The following SLIT3 variants were observed in gnomAD, a reference collection of about 807,000 sequenced individuals.
SLIT3 encodes the protein slit guidance ligand 3, also known as slit homolog 3 protein.
Under a neutral mutation model 184.0 loss-of-function variants are expected in SLIT3, and 68 were observed. The ratio of observed to expected loss-of-function variants is 0.37; its 90% CI spans 0.30 to 0.45. The LOEUF (loss-of-function observed/expected upper bound fraction) is 0.45. Among genes scored for constraint, SLIT3 ranks in the 20% least tolerant of loss-of-function variants. SLIT3 has a pLI of 1.00. For synonymous variants in SLIT3, 831 were observed against 828.6 expected, an observed-to-expected ratio of 1.00 and a Z score of -0.05; for missense variants, 1,707 against 2,026.0, an observed-to-expected ratio of 0.84 and a Z score of 3.02.
At chr5:169,056,093 A>T (rs1263626950) in intron 4 of SLIT3, among the ~76,000 whole-genome samples, 1 of 152,144 alleles carries the variant, frequency 6.6e-6, no homozygotes, top group Non-Finnish European at 1.5e-5. Flanking sequence ...GTTTTGTAGA[A>T]GTCCAGGAAC....
chr5:169,198,993 T>C (rs1005295978), intron 3 of SLIT3, among the ~76,000 whole-genome samples: 1 of 143,588 alleles, frequency 7.0e-6, no homozygotes, highest in Non-Finnish European at 1.6e-5. Flanking sequence ...TGTATATTTA[T>C]ATATATATAT....
chr5:169,006,258 A>C (rs1210112515), intron 4 of SLIT3, among the ~76,000 whole-genome samples: 1 of 152,172 alleles, frequency 6.6e-6, no homozygotes. Flanking sequence ...TCTCTTCTCT[A>C]ATCATCTATT....
intron 4 of SLIT3, among the ~76,000 whole-genome samples, chr5:168,895,151 C>T (rs780043902): frequency 7.2e-5 from 11 of 152,234 alleles, no homozygotes; most frequent in Non-Finnish European, 1.6e-4. Context: ...GTCTACCCCA[C>T]TGTAACCTTA....
Position 168,801,330 on chromosome 5 carries a change from G to A in SLIT3, c.935+5116C>T, listed in dbSNP as rs1219997500. Among the ~76,000 whole-genome samples the A allele has an allele frequency of 4.4e-4, 67 of 152,186 alleles. 1 individual carries two copies. Among genetic ancestry groups the A allele is most frequent in the Admixed American group, 4.4e-3 (67 of 15,270 alleles). Reference sequence around the variant, plus strand: ...TTTTGTTGTGTTTTTAATTCTGTGTGTCTTTTAAACCCCCTGGTGGCTGGT... The same window carrying A: ...TTTTGTTGTGTTTTTAATTCTGTGTATCTTTTAAACCCCCTGGTGGCTGGT... On this transcript the variant is annotated intron_variant, in intron 9 of 35. Transcript: ENST00000519560.
chr5:168,837,380 GTC>G (rs1484389142), intron 6 of SLIT3, among the ~76,000 whole-genome samples: 1 of 152,188 alleles, frequency 6.6e-6, no homozygotes, highest in Non-Finnish European at 1.5e-5. Flanking sequence ...AATGAGTCTA[GTC>G]TCTGCTGTAA....
intron 3 of SLIT3, among the ~76,000 whole-genome samples, chr5:169,198,393 GA>G (rs1763807203): frequency 6.6e-6 from 1 of 152,210 alleles, no homozygotes; most frequent in African/African-American, 2.4e-5. Context: ...TAGACTGAGA[GA>G]GCAGTATGTG....
At chr5:169,090,997 T>C (rs775158558) in intron 4 of SLIT3, among the ~76,000 whole-genome samples, 1 of 152,230 alleles carries the variant, frequency 6.6e-6, no homozygotes, top group Non-Finnish European at 1.5e-5. Context: ...TGTCCTTTCA[T>C]GCTGAAGCAG....
At chr5:169,146,801 A>C (rs1275404503) in intron 4 of SLIT3, among the ~76,000 whole-genome samples, 1 of 152,230 alleles carries the variant, frequency 6.6e-6, no homozygotes, top group African/African-American at 2.4e-5. Flanking sequence ...GATATTTACA[A>C]GTACATTTTT....
intron 4 of SLIT3, among the ~76,000 whole-genome samples, chr5:168,886,513 G>A (rs529448831): frequency 1.5e-3 from 221 of 152,296 alleles, no homozygotes; most frequent in Non-Finnish European, 2.7e-3. Context: ...CGATGCCCAA[G>A]AGCCTAGCGC....
chr5:169,195,636 C>G (rs1331742707), intron 3 of SLIT3, among the ~76,000 whole-genome samples: 1 of 152,186 alleles, frequency 6.6e-6, no homozygotes, highest in Non-Finnish European at 1.5e-5. Flanking sequence ...AAGTGATTCC[C>G]CCACCTCCGC....
chr5:169,058,805 G>A (rs1396140522), intron 4 of SLIT3, among the ~76,000 whole-genome samples: 2 of 152,206 alleles, frequency 1.3e-5, no homozygotes, highest in Non-Finnish European at 2.9e-5. Flanking sequence ...AAATCTAAAT[G>A]GAAGGCTGAG....
intron 4 of SLIT3, among the ~76,000 whole-genome samples, chr5:169,188,318 G>A (rs537758186): frequency 1.3e-5 from 2 of 152,146 alleles, no homozygotes; most frequent in African/African-American, 2.4e-5. Flanking sequence ...AAGAATTTCC[G>A]GCAATATTAA....
chr5:168,882,851 G>A (rs1201104135), intron 5 of SLIT3, among the ~76,000 whole-genome samples: 2 of 152,136 alleles, frequency 1.3e-5, no homozygotes, highest in African/African-American at 4.8e-5. Context: ...TCATCGTCAA[G>A]GTTCCAATTG....
intron 4 of SLIT3, among the ~76,000 whole-genome samples, chr5:168,897,382 G>A (rs1018373766): frequency 7.2e-5 from 11 of 152,038 alleles, no homozygotes; most frequent in African/African-American, 2.2e-4. Flanking sequence ...GTCCATGAAC[G>A]TGTGATCCCT....
intron 26 of SLIT3, among the ~76,000 whole-genome samples, chr5:168,704,912 A>G (rs1025850824): frequency 1.3e-5 from 2 of 152,224 alleles, no homozygotes; most frequent in African/African-American, 4.8e-5. Context: ...AACCCCGGCA[A>G]GAAGGAAAGC....
At chr5:168,674,882 A>G (rs1173650861) in intron 32 of SLIT3, among the ~76,000 whole-genome samples, 2 of 152,192 alleles carry the variant, frequency 1.3e-5, no homozygotes, top group African/African-American at 2.4e-5. Context: ...GATGAGCCAG[A>G]CATGGTGCTA....
chr5:169,021,210 C>A lies in SLIT3; in HGVS notation c.414-137874G>T, dbSNP rs185807797. On this transcript the variant is annotated intron_variant, in intron 4 of 35. Coordinates refer to ENST00000519560, the MANE Select transcript of SLIT3 (RefSeq NM_003062.4). ...TAGCTATAACTAGCTCAGAGGTTTC[C>A]AAAGCAGCTTCCAAGAATGCCTGTG... is the stretch of plus-strand genomic sequence containing the variant. 2.5e-3 allele frequency among the ~76,000 whole-genome samples: 379 copies of A among 152,290 alleles called. 3 individuals carry two copies. The highest frequency in any genetic ancestry group is 8.4e-3 in the African/African-American group (350 of 41,562).
intron 4 of SLIT3, among the ~76,000 whole-genome samples, chr5:169,107,711 G>T (rs1045051918): frequency 4.6e-5 from 7 of 152,198 alleles, no homozygotes; most frequent in Non-Finnish European, 8.8e-5. Flanking sequence ...GCTTCAGTAA[G>T]AACAGCCACC....
chr5:168,756,171 T>C (rs1754942076), intron 16 of SLIT3, among the ~76,000 whole-genome samples: 1 of 152,206 alleles, frequency 6.6e-6, no homozygotes, highest in African/African-American at 2.4e-5. Context: ...CTGCTGAAGA[T>C]ACTGAGTCCC....
Sources: allele counts gnomAD v4.1 joint callset (sites outside exome capture counted in the v4.1 genomes callset), GRCh38; gene constraint gnomAD v4.1.1; transcripts MANE v1.5; gene names NCBI Gene and HGNC (gene_info 2026-07-23, HGNC 2026-07-21).